Variants in ZNF248 observed in about 807,000 individuals in gnomAD.
ZNF248 encodes zinc finger protein 248, also known as KRAB protein domain.
Under a neutral mutation model 44.3 loss-of-function variants are expected in ZNF248, and 20 were observed. That is an observed-to-expected ratio of 0.45 (90% CI 0.32 to 0.66). ZNF248 has a LOEUF of 0.66. Among genes scored for constraint, ZNF248 ranks in the 30% least tolerant of loss-of-function variants. The pLI is 0.04. For synonymous variants in ZNF248, 224 were observed against 229.0 expected (o/e 0.98, Z 0.20); for missense variants, 654 against 677.0 (o/e 0.97, Z 0.38).
intron 6 of ZNF248, among the ~76,000 whole-genome samples, chr10:37,784,741 A>G (rs984263975): frequency 6.6e-6 from 1 of 152,156 alleles, no homozygotes; most frequent in Non-Finnish European, 1.5e-5. Flanking sequence ...TCCACAAAAC[A>G]TCATCCTGGC....
downstream of ZNF248, among the ~76,000 whole-genome samples, chr10:37,775,010 T>C (rs1267456576): frequency 1.3e-5 from 2 of 152,046 alleles, no homozygotes; most frequent in Non-Finnish European, 2.9e-5. Context: ...TCTCAAATGA[T>C]CCATCCACCT....
At chr10:37,767,406 T>A in the ZNF248 span, among the ~76,000 whole-genome samples, 1 of 152,148 alleles carries the variant, frequency 6.6e-6, no homozygotes, top group African/African-American at 2.4e-5. Context: ...GGGAAGCCCA[T>A]CAGACTAACA....
At chr10:37,842,396 C>T (rs180916990) in intron 3 of ZNF248, among the ~76,000 whole-genome samples, 1 of 152,214 alleles carries the variant, frequency 6.6e-6, no homozygotes, top group East Asian at 1.9e-4. Context: ...GATGCCAAAT[C>T]AGAAAGAAAA....
At chr10:37,804,708 C>G (rs2050314330) in intron 6 of ZNF248, among the ~76,000 whole-genome samples, 1 of 152,176 alleles carries the variant, frequency 6.6e-6, no homozygotes, top group South Asian at 2.1e-4. Flanking sequence ...GCCCAAAGTG[C>G]TGGGATTACA....
intron 4 of ZNF248, 66 bp downstream of exon 4, chr10:37,837,919 A>C: frequency 6.4e-7 from 1 of 1,571,538 alleles, no homozygotes; most frequent in South Asian, 1.2e-5. Context: ...TTACATCAGA[A>C]AACTACAGGG....
rs1590071405 is a variant in ZNF248 at position 37,856,498 on chromosome 10, A to C, written c.-91T>G. 8.0e-7 allele frequency: 1 copy of C among 1,247,222 alleles called. No homozygotes were observed. The highest frequency in any genetic ancestry group is 3.6e-5 in the South Asian group (1 of 27,822). 77.3% of individuals were successfully genotyped at this position (1,247,222 alleles called of 1,614,324 possible). A position where few individuals can be genotyped will look rare whatever the true frequency, so the allele number is the denominator to read the frequency against. ...ATGACACTTTTCACTGAGTGAATGT[A>C]AATATTTCTTATTGATTTATTACCA... On this transcript the variant is annotated 5_prime_UTR_variant, in exon 2 of 6. Transcript: ENST00000395867.
intron 6 of ZNF248, chr10:37,820,664 C>T (rs1232021956): frequency 8.4e-6 from 12 of 1,436,650 alleles, no homozygotes; most frequent in East Asian, 2.3e-5. Flanking sequence ...TTTCCACTTT[C>T]GCTGGTCATT....
the ZNF248 span, among the ~76,000 whole-genome samples, chr10:37,759,432 C>T: frequency 6.6e-6 from 1 of 152,176 alleles, no homozygotes; most frequent in African/African-American, 2.4e-5. Flanking sequence ...GTTACATCTG[C>T]TTATGAAACC....
At chr10:37,823,735 G>A (rs1416567687) in intron 6 of ZNF248, among the ~76,000 whole-genome samples, 10 of 151,838 alleles carry the variant, frequency 6.6e-5, no homozygotes, top group Admixed American at 3.9e-4. Context: ...CACCATGCCT[G>A]GCTAATTTTT....
chr10:37,823,887 T>C (rs896572691), downstream of ZNF248, among the ~76,000 whole-genome samples: 7 of 152,104 alleles, frequency 4.6e-5, no homozygotes, highest in Non-Finnish European at 1.0e-4. Context: ...GATGCATCTT[T>C]AATGGCTACG....
chr10:37,789,111 C>A (rs2048222307), intron 6 of ZNF248, among the ~76,000 whole-genome samples: 1 of 152,014 alleles, frequency 6.6e-6, no homozygotes, highest in Non-Finnish European at 1.5e-5. Flanking sequence ...AGACACAGGG[C>A]AGATCAGTGA....
intron 6 of ZNF248, chr10:37,791,584 G>A (rs1005755594): frequency 2.6e-5 from 4 of 152,122 alleles, no homozygotes; most frequent in Admixed American, 1.3e-4. Flanking sequence ...ACAGGGAAGT[G>A]GGAGACAGAT....
downstream of ZNF248, among the ~76,000 whole-genome samples, chr10:37,827,059 G>A (rs1467525582): frequency 1.3e-5 from 2 of 152,186 alleles, no homozygotes; most frequent in Non-Finnish European, 2.9e-5. Context: ...ATGGCAGCTG[G>A]TGCAGACATC....
At position 37,793,341 on chromosome 10, in the gene ZNF248, A is replaced by C. The variant is rs184377869; in HGVS notation, c.331-16766T>G. 1.8e-3 allele frequency among the ~76,000 whole-genome samples: 280 copies of C among 152,292 alleles called. 3 individuals carry two copies. Among genetic ancestry groups the C allele is most frequent in the Admixed American group, 0.017 (264 of 15,292 alleles). ...CAGAGAGAGACTCTGTCTAAAAAAA[A>C]ATTATTCAAAAATAAAACTTTTATT... is the stretch of plus-strand genomic sequence containing the variant. On this transcript the variant is annotated intron_variant, in intron 6 of 6. Transcript: ENST00000615949.
chr10:37,778,999 A>C (rs1401209386), intron 6 of ZNF248, among the ~76,000 whole-genome samples: 1 of 152,154 alleles, frequency 6.6e-6, no homozygotes, highest in East Asian at 1.9e-4. Flanking sequence ...CAATAACAGG[A>C]TCTGAAATTG....
chr10:37,771,999 G>C (rs180976697), downstream of ZNF248, among the ~76,000 whole-genome samples: 1 of 152,178 alleles, frequency 6.6e-6, no homozygotes, highest in African/African-American at 2.4e-5. Context: ...GGCTGCAGTG[G>C]CTCATACCTG....
downstream of ZNF248, among the ~76,000 whole-genome samples, chr10:37,824,268 T>G (rs539285827): frequency 5.3e-5 from 8 of 152,328 alleles, no homozygotes; most frequent in African/African-American, 1.9e-4. Context: ...TTTGTTCTAT[T>G]CAGGCCTTCA....
the ZNF248 span, among the ~76,000 whole-genome samples, chr10:37,764,870 T>G: frequency 2.0e-5 from 3 of 152,188 alleles, no homozygotes. Context: ...ATTTTCTAAT[T>G]CATGCATAAG....
intron 6 of ZNF248, among the ~76,000 whole-genome samples, chr10:37,785,525 C>T (rs1334331641): frequency 6.6e-6 from 1 of 152,178 alleles, no homozygotes; most frequent in Non-Finnish European, 1.5e-5. Flanking sequence ...TGGCACTTAC[C>T]TCTGTCATAT....
Sources: allele counts gnomAD v4.1 joint callset (sites outside exome capture counted in the v4.1 genomes callset), GRCh38; gene constraint gnomAD v4.1.1; transcripts MANE v1.5; gene names NCBI Gene and HGNC (gene_info 2026-07-23, HGNC 2026-07-21).